The following TBC1D14 variants were observed in gnomAD, a reference collection of about 807,000 sequenced individuals.
TBC1D14 encodes the protein TBC1 domain family, member 14.
A neutral mutation model predicts 79.0 loss-of-function variants in TBC1D14; 26 were observed. That is an observed-to-expected ratio of 0.33 (90% CI 0.24 to 0.46). The LOEUF (loss-of-function observed/expected upper bound fraction) is 0.46. Ranked by LOEUF, TBC1D14 falls within the 20% of genes least tolerant of loss-of-function variation. The pLI is 1.00. For missense variants in TBC1D14, 769 were observed against 887.6 expected, an observed-to-expected ratio of 0.87 and a Z score of 1.70; for synonymous variants, 394 against 349.9, an observed-to-expected ratio of 1.13 and a Z score of -1.40.
intron 3 of TBC1D14, among the ~76,000 whole-genome samples, chr4:6,986,450 C>T (rs1275470837): frequency 6.6e-6 from 1 of 152,234 alleles, no homozygotes; most frequent in Non-Finnish European, 1.5e-5. Flanking sequence ...TCTTTGCTAT[C>T]ACTTGCCATT....
intron 12 of TBC1D14, among the ~76,000 whole-genome samples, chr4:7,021,739 A>C (rs565923466): frequency 1.3e-5 from 2 of 152,282 alleles, no homozygotes; most frequent in African/African-American, 2.4e-5. Context: ...CAACGCAATA[A>C]TATGCAGTGG....
At chr4:6,911,974 G>A (rs1449636520) in intron 1 of TBC1D14, among the ~76,000 whole-genome samples, 1 of 152,144 alleles carries the variant, frequency 6.6e-6, no homozygotes, top group African/African-American at 2.4e-5. Context: ...TTTTAGAGAT[G>A]GGGTCATGGT....
At chr4:6,949,662 G>A (rs1186193039) in intron 2 of TBC1D14, among the ~76,000 whole-genome samples, 20 of 129,096 alleles carry the variant, frequency 1.5e-4, no homozygotes, top group Non-Finnish European at 2.7e-4. Context: ...CGACCTGGGC[G>A]ACAGAGCAAG....
chr4:6,925,409 G>A (rs568234731), intron 2 of TBC1D14, among the ~76,000 whole-genome samples: 7 of 152,320 alleles, frequency 4.6e-5, no homozygotes, highest in Non-Finnish European at 1.0e-4. Flanking sequence ...CAGAACCCAC[G>A]TCAGACATTG....
chr4:7,001,330 A>T (rs1719654742), intron 7 of TBC1D14, 79 bp downstream of exon 7: 1 of 1,206,932 alleles, frequency 8.3e-7, no homozygotes, highest in East Asian at 2.4e-5. Context: ...TGTTGGAAAG[A>T]ATGGCAGCCA....
At chr4:7,030,075 G>A (rs1722886138) in intron 13 of TBC1D14, among the ~76,000 whole-genome samples, 1 of 152,202 alleles carries the variant, frequency 6.6e-6, no homozygotes, top group Non-Finnish European at 1.5e-5. Context: ...GCCCCCAGCT[G>A]TGCTTTGACG....
In TBC1D14 at chr4:7,031,356, T is replaced by G. The variant is rs1202210974; in HGVS notation, c.*964T>G. On this transcript the variant is annotated 3_prime_UTR_variant, in exon 14 of 14. Coordinates refer to ENST00000409757, the MANE Select transcript of TBC1D14 (RefSeq NM_020773.3). ...GAGCCCTGCACAGCTGGACCCATCC[T>G]AAGTGCCAGTGAGTCCCTCACACAT... 3 of 152,300 alleles carry G rather than the reference T, an allele frequency of 2.0e-5. No homozygotes were observed. The highest frequency in any genetic ancestry group is 7.2e-5 in the African/African-American group (3 of 41,460). The allele number at this position is 152,300 out of a possible 1,614,324, so 9.4% of individuals were successfully genotyped here.
chr4:6,962,190 C>G (rs73200001), intron 2 of TBC1D14, among the ~76,000 whole-genome samples: 281 of 152,302 alleles, frequency 1.8e-3, no homozygotes, highest in Non-Finnish European at 3.2e-3. Context: ...ATGCCAGCAC[C>G]TAGGCGCTGT....
At chr4:6,998,788 C>G (rs1272765194) in intron 5 of TBC1D14, 1 of 259,256 alleles carries the variant, frequency 3.9e-6, no homozygotes, top group Non-Finnish European at 7.6e-6. Context: ...ATCCACCCGC[C>G]TTGGCTTCCC....
chr4:6,938,440 A>C (rs1577061413), intron 2 of TBC1D14, among the ~76,000 whole-genome samples: 1 of 152,160 alleles, frequency 6.6e-6, no homozygotes, highest in Admixed American at 6.5e-5. Context: ...CACGAGCGTG[A>C]GGCGCCACTT....
At chr4:6,917,173 G>A (rs1168261443) in intron 1 of TBC1D14, among the ~76,000 whole-genome samples, 2 of 152,208 alleles carry the variant, frequency 1.3e-5, no homozygotes, top group South Asian at 4.1e-4. Context: ...GCTCTCAGCA[G>A]ATGTTTCTTG....
In TBC1D14 at chr4:7,014,800, A is replaced by C. The variant is rs150269220; in HGVS notation, c.1757+243A>C. 9.8e-4 allele frequency among the ~76,000 whole-genome samples: 149 copies of C among 152,348 alleles called. 2 individuals are homozygous for C. The highest frequency in any genetic ancestry group is 1.4e-3 in the Non-Finnish European group (97 of 68,032). On this transcript the variant is annotated intron_variant, in intron 12 of 13. Coordinates refer to ENST00000409757, the MANE Select transcript of TBC1D14 (RefSeq NM_020773.3). ...GTTTCCAAAGTGCTGTCCATTCCTT[A>C]AAGGACCCGTCCTAAGCACCCGGCC...
chr4:6,922,304 C>T (rs957946315), intron 1 of TBC1D14, among the ~76,000 whole-genome samples: 5 of 152,130 alleles, frequency 3.3e-5, no homozygotes, highest in Admixed American at 1.3e-4. Context: ...ACTCAAACCT[C>T]GGAGGTTGTG....
chr4:6,963,053 C>T (rs1265172417), intron 2 of TBC1D14, among the ~76,000 whole-genome samples: 1 of 152,224 alleles, frequency 6.6e-6, no homozygotes, highest in African/African-American at 2.4e-5. Flanking sequence ...GGTATGGATC[C>T]ATCACATAGG....
At chr4:6,999,051 G>T in intron 5 of TBC1D14, 34 bp from the exon 6 acceptor site, 1 of 1,601,528 alleles carries the variant, frequency 6.2e-7, no homozygotes, top group Non-Finnish European at 8.6e-7. Context: ...ATATCAGTTA[G>T]TAGATTGTTG....
At position 7,031,195 on chromosome 4, in the gene TBC1D14, G is replaced by A. The variant is rs1723008668; in HGVS notation, c.*803G>A. 1 of 152,364 alleles carries A rather than the reference G, an allele frequency of 6.6e-6. No homozygotes were observed. Among genetic ancestry groups the A allele is most frequent in the African/African-American group, 2.4e-5 (1 of 41,476 alleles). 9.4% of individuals were successfully genotyped at this position (152,364 alleles called of 1,614,324 possible). The stretch of plus-strand genomic sequence containing the variant: ...ACAGAGTGGAATCAGCCCCCTGTAA[G>A]TAAAAGGGTAGAGAAAGAGATGTGT... On this transcript the variant is annotated 3_prime_UTR_variant, in exon 14 of 14. Coordinates refer to ENST00000409757, the MANE Select transcript of TBC1D14 (RefSeq NM_020773.3).
chr4:7,010,888 G>C, intron 11 of TBC1D14, 107 bp downstream of exon 11: 1 of 1,358,140 alleles, frequency 7.4e-7, no homozygotes, highest in Non-Finnish European at 1.0e-6. Flanking sequence ...TTCTCTCTGT[G>C]AAGAGATGTT....
chr4:6,925,971 G>A (rs998116580), intron 2 of TBC1D14, among the ~76,000 whole-genome samples: 21 of 152,216 alleles, frequency 1.4e-4, no homozygotes, highest in African/African-American at 4.8e-4. Flanking sequence ...GGGTTTGGCC[G>A]GGAAACAGCA....
intron 12 of TBC1D14, among the ~76,000 whole-genome samples, chr4:7,014,822 GGCC>G (rs1721122647): frequency 1.3e-5 from 2 of 152,206 alleles, no homozygotes; most frequent in Non-Finnish European, 2.9e-5. Flanking sequence ...CTAAGCACCC[GGCC>G]TGTGCAGGCC....
Sources: gnomAD v4.1 joint callset for allele counts (sites outside exome capture counted in the v4.1 genomes callset) on GRCh38, gnomAD v4.1.1 for gene constraint, MANE v1.5 for transcripts, NCBI Gene and HGNC (gene_info 2026-07-23, HGNC 2026-07-21) for gene names.